EPG5: variants seen among roughly 807,000 people sequenced by gnomAD.
EPG5 encodes ectopic P granules protein 5 homolog.
Under a neutral mutation model 302.7 loss-of-function variants are expected in EPG5, and 159 were observed. The observed-to-expected ratio is 0.53, with a 90% CI of 0.46 to 0.60. The LOEUF is 0.60. EPG5 is among the 20% of genes least tolerant of loss of function. The pLI is 0.00. For synonymous variants in EPG5, 1,158 were observed against 1,136.8 expected (o/e 1.02, Z -0.37); for missense variants, 2,896 against 3,092.4 (o/e 0.94, Z 1.51).
At chr18:45,883,012 CAAA>C (rs35030980) in intron 30 of EPG5, among the ~76,000 whole-genome samples, 6 of 87,450 alleles carry the variant, frequency 6.9e-5, no homozygotes, top group Admixed American at 1.1e-4. Flanking sequence ...CGTCTCACAA[CAAA>C]AAAAAAAAAA....
At chr18:45,919,671 C>T (rs1026821020) in intron 16 of EPG5, among the ~76,000 whole-genome samples, 4 of 152,052 alleles carry the variant, frequency 2.6e-5, no homozygotes, top group Non-Finnish European at 4.4e-5. Flanking sequence ...CGCCACCACG[C>T]CCGGCTAATT....
chr18:45,870,050 ACT>A (rs952561690), intron 36 of EPG5, among the ~76,000 whole-genome samples: 4 of 151,918 alleles, frequency 2.6e-5, no homozygotes, highest in African/African-American at 7.3e-5. Flanking sequence ...ACTCGCATGC[ACT>A]CTCTTTTTTT....
At chr18:45,907,084 T>G (rs1288979499) in intron 24 of EPG5, 1 of 152,096 alleles carries the variant, frequency 6.6e-6, no homozygotes, top group Non-Finnish European at 1.5e-5. Flanking sequence ...AGACACTCAG[T>G]AAATACACAC....
At position 45,946,734 on chromosome 18, in the gene EPG5, T is replaced by C; in HGVS notation, c.1606A>G (p.Ser536Gly). Residue 536 changes from serine to glycine, a missense_variant, in exon 7 of 44, where the codon AGC (serine) becomes GGC (glycine). Around this residue, in one of 5 missense-constraint regions of EPG5, gnomAD observed 1,390 missense variants for 1,430.0 expected, o/e 0.97. Transcript: ENST00000282041. ...CCTGAGGAGGATGGCTTCCGCTCGC[T>C]GGGCTTCATGTGGCACATAAACTCA... is the stretch of plus-strand genomic sequence containing the variant. ...RAEFMCHMKP[S>G]ERKPSSSGPG... The C allele has an allele frequency of 6.2e-7, 1 of 1,614,208 alleles. No homozygotes were observed. Among genetic ancestry groups the C allele is most frequent in the Non-Finnish European group, 8.5e-7 (1 of 1,180,026 alleles).
Position 45,916,571 on chromosome 18 carries a change from T to C in EPG5, c.3251A>G (p.His1084Arg). ...GTCCAAGTGTAGGAACAAGAGGAGA[T>C]GCGATAAAAACCTGCCAAGCACACA... The part of the protein sequence containing the change: ...YLLKNEQFLS[H>R]LLLFLHLDSG... Residue 1084 changes from histidine to arginine, a missense_variant, in exon 18 of 44, where the codon CAT becomes CGT. By Grantham distance (29) the His-to-Arg change is conservative. Around this residue, in one of 5 missense-constraint regions of EPG5, gnomAD observed 1,390 missense variants for 1,430.0 expected, o/e 0.97. Coordinates refer to ENST00000282041, the MANE Select transcript of EPG5 (RefSeq NM_020964.3). 7 of 1,599,262 alleles carry C rather than the reference T, an allele frequency of 4.4e-6. No homozygotes were observed. The highest frequency in any genetic ancestry group is 6.0e-6 in the Non-Finnish European group (7 of 1,167,658).
the EPG5 span, among the ~76,000 whole-genome samples, chr18:45,826,153 G>C: frequency 1.3e-5 from 2 of 152,108 alleles, no homozygotes; most frequent in Non-Finnish European, 2.9e-5. Flanking sequence ...TGTTTTGATG[G>C]GCACAGCCTG....
At chr18:45,907,016 T>G (rs1400137312) in intron 24 of EPG5, 1 of 152,188 alleles carries the variant, frequency 6.6e-6, no homozygotes, top group African/African-American at 2.4e-5. Context: ...CAATAAGCTC[T>G]TAGGAGGCAG....
At chr18:45,870,766 G>A in intron 35 of EPG5, 24 bp from the exon 36 acceptor site, 2 of 1,477,884 alleles carry the variant, frequency 1.4e-6, no homozygotes, top group South Asian at 1.3e-5. Flanking sequence ...AGAAAATAGA[G>A]CTGAAGACCT....
chr18:45,823,921 C>T, the EPG5 span, among the ~76,000 whole-genome samples: 1 of 152,214 alleles, frequency 6.6e-6, no homozygotes, highest in African/African-American at 2.4e-5. Context: ...CACATGGCAA[C>T]TAGTGCTGAG....
chr18:45,893,071 C>T (rs1242468539), intron 27 of EPG5, among the ~76,000 whole-genome samples: 1 of 152,194 alleles, frequency 6.6e-6, no homozygotes, highest in East Asian at 1.9e-4. Flanking sequence ...CTCAGAATCA[C>T]ACTGCAAGTA....
chr18:45,868,068 T>C (rs1427734232), intron 36 of EPG5: 2 of 477,202 alleles, frequency 4.2e-6, no homozygotes, highest in Admixed American at 4.6e-5. Context: ...CTGCAGGGAG[T>C]GTATCAGAAT....
intron 14 of EPG5, among the ~76,000 whole-genome samples, chr18:45,925,263 G>A (rs954065960): frequency 4.6e-5 from 7 of 152,202 alleles, no homozygotes; most frequent in African/African-American, 1.4e-4. Flanking sequence ...CTTGAGGTCA[G>A]GAGTTCGAGA....
At chr18:45,914,970 TAAA>T (rs11352234) in intron 20 of EPG5, among the ~76,000 whole-genome samples, 6 of 146,220 alleles carry the variant, frequency 4.1e-5, no homozygotes, top group African/African-American at 5.0e-5. Context: ...TTTTTTAATT[TAAA>T]AAAAAAAAAA....
the EPG5 span, among the ~76,000 whole-genome samples, chr18:45,841,770 T>C: frequency 6.6e-6 from 1 of 151,978 alleles, no homozygotes; most frequent in Non-Finnish European, 1.5e-5. Flanking sequence ...AGATTTGAGA[T>C]TCCCACTGAG....
At chr18:45,966,829 A>G (rs1388612605) in intron 1 of EPG5, among the ~76,000 whole-genome samples, 1 of 152,216 alleles carries the variant, frequency 6.6e-6, no homozygotes, top group Non-Finnish European at 1.5e-5. Context: ...AGGATATAAA[A>G]GAGTAAAGAG....
the EPG5 span, chr18:45,840,088 C>A: frequency 4.6e-5 from 48 of 1,043,090 alleles, no homozygotes; most frequent in Non-Finnish European, 3.7e-5. Context: ...TGCTAGTCTG[C>A]TGTTTGCTTC....
chr18:45,865,698 T>G lies in EPG5; in HGVS notation c.6683A>C (p.Glu2228Ala). ...HQMVQFLSTL[E>A]QNGKITLAVL... is the part of the protein sequence containing the mutation. ...TGCTAAGGTGATTTTTCCATTTTGT[T>G]CCAGGGTGCTGAGGAATTGAACCAT... is the stretch of plus-strand genomic sequence containing the variant. The change falls in exon 39 of 44, where the codon GAA becomes GCA. Residue 2228 changes from glutamate (E) to alanine (A), a missense_variant. Physicochemically the swap from Glu to Ala is moderately radical, Grantham distance 107 (BLOSUM62 -1). Coordinates refer to ENST00000282041, the MANE Select transcript of EPG5 (RefSeq NM_020964.3). 1 of 1,613,308 alleles carries G rather than the reference T, an allele frequency of 6.2e-7. No homozygotes were observed. Among genetic ancestry groups the G allele is most frequent in the Non-Finnish European group, 8.5e-7 (1 of 1,179,946 alleles).
chr18:45,882,270 T>A lies in EPG5; in HGVS notation c.5518+4A>T. 6.2e-7 allele frequency: 1 copy of A among 1,609,466 alleles called. No individual in the cohort carries two copies. The highest frequency in any genetic ancestry group is 2.2e-5 in the East Asian group (1 of 44,862). On this transcript the variant is annotated splice_donor_region_variant and intron_variant, in intron 31 of 43. Coordinates refer to ENST00000282041, the MANE Select transcript of EPG5 (RefSeq NM_020964.3). ...GTTAGTTACAATTAAATGAAGACACTTACTTTGCATAAGCAGCCTGAGAAT... is the reference window on the plus strand; with the variant it reads ...GTTAGTTACAATTAAATGAAGACACATACTTTGCATAAGCAGCCTGAGAAT...
intron 27 of EPG5, among the ~76,000 whole-genome samples, chr18:45,899,033 G>A (rs1439707933): frequency 6.6e-6 from 1 of 152,106 alleles, no homozygotes; most frequent in Non-Finnish European, 1.5e-5. Context: ...GCTGGGGCAG[G>A]AGAATCACTT....
Sources: allele counts gnomAD v4.1 joint callset (sites outside exome capture counted in the v4.1 genomes callset), GRCh38; gene constraint gnomAD v4.1.1; regional missense constraint gnomAD v4.1.1; transcripts MANE v1.5; gene names NCBI Gene and HGNC (gene_info 2026-07-23, HGNC 2026-07-21).